AKAP7: variants seen among roughly 807,000 people sequenced by gnomAD.
AKAP7 encodes A-kinase anchoring protein 7.
In AKAP7, 39 loss-of-function variants were observed where a neutral mutation model predicts 39.5. The ratio of observed to expected loss-of-function variants is 0.99; its 90% CI spans 0.76 to 1.29. The LOEUF (loss-of-function observed/expected upper bound fraction) is 1.29, where lower values mean the gene tolerates loss of function less well. AKAP7 is among the 50% of genes most tolerant of loss of function. The probability of loss-of-function intolerance (pLI) is 0.00; values close to 1 mark genes in which losing one functional copy is unlikely to be tolerated. For synonymous variants in AKAP7, 140 were observed against 139.1 expected, an observed-to-expected ratio of 1.01 and a Z score of -0.05; for missense variants, 414 against 407.7, an observed-to-expected ratio of 1.02 and a Z score of -0.13.
At chr6:131,160,576 G>T (rs1402391878) in intron 3 of AKAP7, among the ~76,000 whole-genome samples, 2 of 152,196 alleles carry the variant, frequency 1.3e-5, no homozygotes, top group Non-Finnish European at 2.9e-5. Flanking sequence ...CAGATGGCAT[G>T]TCAAGGTCAT....
intron 2 of AKAP7, among the ~76,000 whole-genome samples, chr6:131,155,069 T>C (rs1802303043): frequency 6.6e-6 from 1 of 151,994 alleles, no homozygotes; most frequent in South Asian, 2.1e-4. Flanking sequence ...TCATCCACAC[T>C]GGAGTACAGT....
At position 131,266,173 on chromosome 6, in the gene AKAP7, T is replaced by A. The variant is rs146374502; in HGVS notation, c.851-15357T>A. On this transcript the variant is annotated intron_variant, in intron 7 of 7. Coordinates refer to ENST00000431975, the MANE Select transcript of AKAP7 (RefSeq NM_016377.4). ...GACAAGACTGGGATTGTCTCTGACC[T>A]CCTCCTTCTAATCATCGCCTCGGTT... Among the ~76,000 whole-genome samples, 860 of 152,250 alleles carry A rather than the reference T, an allele frequency of 5.6e-3. 8 individuals are homozygous for A. The highest frequency in any genetic ancestry group is 0.041 in the Middle Eastern group (12 of 294).
In AKAP7 at chr6:131,250,141, G is replaced by T. The variant is rs983509435; in HGVS notation, c.850+30333G>T. 1.1e-5 allele frequency: 11 copies of T among 984,088 alleles called. No individual in the cohort carries two copies. The East Asian group carries it at 4.5e-4, about 40-fold the overall frequency. 61.0% of individuals were successfully genotyped at this position (984,088 alleles called of 1,614,324 possible). A position where few individuals can be genotyped will look rare whatever the true frequency, so the allele number is the denominator to read the frequency against. ...GACAGAAAATATGGTTTTTTTGGGG[G>T]TTTGAATTTTCATGTGTAATTACTG... On this transcript the variant is annotated intron_variant, in intron 7 of 7. Coordinates refer to ENST00000431975, the MANE Select transcript of AKAP7 (RefSeq NM_016377.4).
intron 7 of AKAP7, among the ~76,000 whole-genome samples, chr6:131,277,763 T>C (rs1562261414): frequency 6.6e-6 from 1 of 152,196 alleles, no homozygotes. Flanking sequence ...GGGCTAATGG[T>C]CATAGTCTGA....
intron 7 of AKAP7, among the ~76,000 whole-genome samples, chr6:131,269,301 G>A (rs970846334): frequency 2.6e-5 from 4 of 152,186 alleles, no homozygotes; most frequent in African/African-American, 9.7e-5. Flanking sequence ...GACTTCAGGT[G>A]ATCCGCCAAG....
At chr6:131,168,988 G>C in intron 4 of AKAP7, 125 bp from the exon 5 acceptor site, 1 of 816,324 alleles carries the variant, frequency 1.2e-6, no homozygotes, top group Non-Finnish European at 1.8e-6. Context: ...AAGGTATTTT[G>C]AGCCTTAAAA....
chr6:131,275,141 C>A (rs989991950), intron 7 of AKAP7, among the ~76,000 whole-genome samples: 1 of 151,634 alleles, frequency 6.6e-6, no homozygotes, highest in Non-Finnish European at 1.5e-5. Flanking sequence ...ATTAAATAAA[C>A]AAATAATTGG....
At chr6:131,246,586 T>C (rs531626106) in intron 7 of AKAP7, among the ~76,000 whole-genome samples, 1 of 152,322 alleles carries the variant, frequency 6.6e-6, no homozygotes, top group South Asian at 2.1e-4. Context: ...TCCTGGAAGA[T>C]GAATGTGTTC....
intron 5 of AKAP7, among the ~76,000 whole-genome samples, chr6:131,191,015 A>C (rs1806354337): frequency 6.6e-6 from 1 of 152,172 alleles, no homozygotes. Context: ...TGAATAAATG[A>C]ATTTGTGCTT....
intron 7 of AKAP7, among the ~76,000 whole-genome samples, chr6:131,248,035 A>T (rs776971134): frequency 8.5e-5 from 13 of 152,284 alleles, no homozygotes; most frequent in Admixed American, 2.0e-4. Context: ...CTGGGCTCTG[A>T]GTTTGAGTAG....
chr6:131,222,293 A>G (rs1333060022), intron 7 of AKAP7, among the ~76,000 whole-genome samples: 3 of 152,204 alleles, frequency 2.0e-5, no homozygotes, highest in Non-Finnish European at 4.4e-5. Context: ...TGGGAGGCCA[A>G]GGCGGGCGGA....
At chr6:131,173,587 C>G (rs1356450496) in intron 5 of AKAP7, among the ~76,000 whole-genome samples, 1 of 152,160 alleles carries the variant, frequency 6.6e-6, no homozygotes, top group African/African-American at 2.4e-5. Context: ...GCAATATTTA[C>G]AAGTCAAGGA....
the AKAP7 span, among the ~76,000 whole-genome samples, chr6:131,127,428 C>A: frequency 6.6e-6 from 1 of 151,898 alleles, no homozygotes; most frequent in African/African-American, 2.4e-5. Context: ...TCATAAGATA[C>A]AACCAAATAA....
At chr6:131,190,858 A>G (rs1806342329) in intron 5 of AKAP7, among the ~76,000 whole-genome samples, 1 of 152,016 alleles carries the variant, frequency 6.6e-6, no homozygotes, top group South Asian at 2.1e-4. Context: ...TTTGATGTTG[A>G]TTGGGAAGTC....
rs1373689007 is a variant in AKAP7 at position 131,282,526 on chromosome 6, G to A, written c.*800G>A. Reference sequence around the variant, plus strand: ...AGCCTGAGACTCAGGCCAGAATTAGGAGGGAGCTTTTTGAAGGAAGACTTA... The same window carrying A: ...AGCCTGAGACTCAGGCCAGAATTAGAAGGGAGCTTTTTGAAGGAAGACTTA... On this transcript the variant is annotated 3_prime_UTR_variant, in exon 8 of 8. Coordinates refer to ENST00000431975, the MANE Select transcript of AKAP7 (RefSeq NM_016377.4). The A allele has an allele frequency of 1.3e-6, 2 of 1,535,888 alleles. No individual in the cohort carries two copies. The highest frequency in any genetic ancestry group is 1.2e-5 in the South Asian group (1 of 84,046).
At chr6:131,231,230 T>C (rs141527418) in intron 7 of AKAP7, among the ~76,000 whole-genome samples, 19 of 152,274 alleles carry the variant, frequency 1.2e-4, no homozygotes, top group African/African-American at 4.6e-4. Flanking sequence ...ATGTAACAAG[T>C]ATAAAAATGC....
intron 7 of AKAP7, among the ~76,000 whole-genome samples, chr6:131,276,229 T>C (rs3777493): frequency 0.16 from 25,010 of 152,150 alleles, 2,284 homozygotes; most frequent in African/African-American, 0.23. Context: ...TTTTAAAATA[T>C]GGTTTTGGTG....
intron 5 of AKAP7, among the ~76,000 whole-genome samples, chr6:131,197,165 A>G (rs1807021861): frequency 6.6e-6 from 1 of 151,668 alleles, no homozygotes; most frequent in South Asian, 2.1e-4. Flanking sequence ...TGTGTGTGTA[A>G]TTCTAATTAA....
At chr6:131,278,630 A>G (rs1371844260) in intron 7 of AKAP7, among the ~76,000 whole-genome samples, 1 of 152,182 alleles carries the variant, frequency 6.6e-6, no homozygotes, top group Admixed American at 6.5e-5. Flanking sequence ...GGAAGCAGGC[A>G]TATCTTACAC....
Sources: gnomAD v4.1 joint callset for allele counts (sites outside exome capture counted in the v4.1 genomes callset) on GRCh38, gnomAD v4.1.1 for gene constraint, MANE v1.5 for transcripts, NCBI Gene and HGNC (gene_info 2026-07-23, HGNC 2026-07-21) for gene names.